LRRK2: variants seen among roughly 807,000 people sequenced by gnomAD.
LRRK2 encodes leucine rich repeat kinase 2, also known as leucine-rich repeat serine/threonine-protein kinase 2.
A neutral mutation model predicts 302.6 loss-of-function variants in LRRK2; 203 were observed. That is an observed-to-expected ratio of 0.67 (90% CI 0.60 to 0.75). LRRK2 has a LOEUF of 0.75. LRRK2 is among the 30% of genes least tolerant of loss of function. The pLI is 0.00. For missense variants in LRRK2, 2,830 were observed against 2,951.0 expected, an observed-to-expected ratio of 0.96 and a Z score of 0.95; for synonymous variants, 1,066 against 1,031.9, an observed-to-expected ratio of 1.03 and a Z score of -0.63.
chr12:40,357,354 T>C (rs1301507928), intron 46 of LRRK2, among the ~76,000 whole-genome samples: 1 of 78,722 alleles, frequency 1.3e-5, no homozygotes, highest in East Asian at 2.9e-4. Context: ...GGTGCTTAGG[T>C]TGATTCCACT....
At chr12:40,330,669 A>G (rs573568155) in intron 39 of LRRK2, among the ~76,000 whole-genome samples, 13 of 152,152 alleles carry the variant, frequency 8.5e-5, no homozygotes, top group African/African-American at 1.2e-4. Context: ...TGATATATAT[A>G]TAGTAGTAAG....
intron 44 of LRRK2, among the ~76,000 whole-genome samples, chr12:40,353,548 C>T (rs1220812864): frequency 2.6e-5 from 4 of 151,288 alleles, no homozygotes; most frequent in African/African-American, 4.9e-5. Context: ...GATGGGCGGC[C>T]AGGCAGAGAC....
chr12:40,368,284 G>A lies in LRRK2; in HGVS notation c.*519G>A, dbSNP rs199791467. 10 of 151,928 alleles carry A rather than the reference G, an allele frequency of 6.6e-5. No homozygotes were observed. Among genetic ancestry groups the A allele is most frequent in the Admixed American group, 5.3e-4 (8 of 15,192 alleles). The allele number at this position is 151,928 out of a possible 1,614,324, so 9.4% of individuals were successfully genotyped here. On this transcript the variant is annotated 3_prime_UTR_variant, in exon 51 of 51. Coordinates refer to ENST00000298910, the MANE Select transcript of LRRK2 (RefSeq NM_198578.4). ...ATTCAAATGAATTTGCACTAATAAA[G>A]TCCTTTGTTGGTATGTGAATTCTCT...
chr12:40,263,401 G>GA (rs11430638), intron 13 of LRRK2, among the ~76,000 whole-genome samples: 134,650 of 152,004 alleles, frequency 0.89, 59,725 homozygotes, highest in African/African-American at 0.93. Context: ...TTTCATTTCT[G>GA]CCTTTTTATG....
At chr12:40,245,251 CCT>C (rs1211682956) in intron 7 of LRRK2, among the ~76,000 whole-genome samples, 1 of 151,864 alleles carries the variant, frequency 6.6e-6, no homozygotes, top group Admixed American at 6.6e-5. Context: ...CCCAATTCCC[CCT>C]CTTTTTTTCA....
chr12:40,350,923 C>A (rs1332447336), intron 43 of LRRK2, among the ~76,000 whole-genome samples: 1 of 151,912 alleles, frequency 6.6e-6, no homozygotes, highest in Non-Finnish European at 1.5e-5. Flanking sequence ...ATAACATATA[C>A]TAGGCAAGAC....
At chr12:40,242,853 C>T (rs965390992) in intron 6 of LRRK2, among the ~76,000 whole-genome samples, 3 of 96,372 alleles carry the variant, frequency 3.1e-5, no homozygotes, top group African/African-American at 1.2e-4. Context: ...TCTAATAGGA[C>T]TTCAGAAATT....
Position 40,328,384 on chromosome 12 carries a change from A to G in LRRK2, c.5681A>G (p.Tyr1894Cys), listed in dbSNP as rs745904571. The G allele has an allele frequency of 6.2e-7, 1 of 1,613,848 alleles. No individual in the cohort carries two copies. The highest frequency in any genetic ancestry group is 1.7e-5 in the Admixed American group (1 of 60,024). Residue 1894 changes from tyrosine (Y) to cysteine (C), a missense_variant, in exon 39 of 51, where the codon TAC becomes TGC. Around this residue, in one of 3 missense-constraint regions of LRRK2, gnomAD observed 253 missense variants for 346.7 expected, o/e 0.73. Transcript: ENST00000298910. ...GGTGATGGCAGTTTTGGATCAGTTT[A>G]CCGAGCAGCCTATGAAGGAGAAGAA... ...LLGDGSFGSV[Y>C]RAAYEGEEVA...
chr12:40,261,933 T>C (rs1389970047), intron 13 of LRRK2, among the ~76,000 whole-genome samples: 1 of 152,192 alleles, frequency 6.6e-6, no homozygotes, highest in Non-Finnish European at 1.5e-5. Context: ...ACTTGTTATA[T>C]AGACATTGAG....
chr12:40,261,184 A>G (rs1242932136), intron 13 of LRRK2, among the ~76,000 whole-genome samples: 1 of 152,126 alleles, frequency 6.6e-6, no homozygotes, highest in Non-Finnish European at 1.5e-5. Context: ...GTTTTATTGA[A>G]TTTTATTTTT....
rs79623608 is a variant in LRRK2 at position 40,242,190 on chromosome 12, T to C, written c.707-1360T>C. 1.3e-3 allele frequency among the ~76,000 whole-genome samples: 200 copies of C among 152,300 alleles called. 1 individual carries two copies. The highest frequency in any genetic ancestry group is 4.5e-3 in the African/African-American group (188 of 41,578). ...ACATTTGCTTTTCAGTCTTTAAGTC[T>C]ATTGTTCTGAGTCAAAGCAGTTCAT... On this transcript the variant is annotated intron_variant, in intron 6 of 50. Coordinates refer to ENST00000298910, the MANE Select transcript of LRRK2 (RefSeq NM_198578.4).
Position 40,363,526 on chromosome 12 carries a change from G to A in LRRK2, c.7153G>A (p.Gly2385Arg), listed in dbSNP as rs34778348. The A allele has an allele frequency of 7.9e-4, 1,269 of 1,611,766 alleles. 27 individuals are homozygous for A. The East Asian group carries it at 0.026, about 33-fold the overall frequency. Residue 2385 changes from glycine (G) to arginine (R), a missense_variant, in exon 48 of 51, where the codon GGA becomes AGA. Gly to Arg is a moderately radical substitution (Grantham distance 125). Around this residue, in one of 3 missense-constraint regions of LRRK2, gnomAD observed 456 missense variants for 456.3 expected, o/e 1.00. Transcript: ENST00000298910. ...GGATAAGAAAACTGAAAAACTCTGT[G>A]GACTAATAGACTGCGTGCACTTTTT... ...VWDKKTEKLCGLIDCVHFLRE... is the reference protein window; with the variant it reads ...VWDKKTEKLCRLIDCVHFLRE...
intron 13 of LRRK2, 105 bp from the exon 14 acceptor site, chr12:40,263,684 C>A: frequency 1.3e-6 from 1 of 791,864 alleles, no homozygotes; most frequent in Non-Finnish European, 2.1e-6. Flanking sequence ...AAGTACAACA[C>A]ATATATTGTG....
In LRRK2 at chr12:40,287,252, C is replaced by A; in HGVS notation, c.2501-99C>A. 5.9e-6 allele frequency: 6 copies of A among 1,022,902 alleles called. No individual in the cohort carries two copies. The East Asian group carries it at 7.7e-5, about 13-fold the overall frequency. The allele number at this position is 1,022,902 out of a possible 1,614,324, so 63.4% of individuals were successfully genotyped here. A position where few individuals can be genotyped will look rare whatever the true frequency, so the allele number is the denominator to read the frequency against. ...CTTTGAAAGGAAAAATAGAAATATT[C>A]TCCAGAAGCATAGCAATACGTAAGA... On this transcript the variant is annotated intron_variant, in intron 19 of 50. Coordinates refer to ENST00000298910, the MANE Select transcript of LRRK2 (RefSeq NM_198578.4).
chr12:40,229,800 T>C (rs544068776), intron 2 of LRRK2, among the ~76,000 whole-genome samples: 1 of 152,226 alleles, frequency 6.6e-6, no homozygotes, highest in East Asian at 1.9e-4. Context: ...AGATTCTATT[T>C]AATCACAGAA....
intron 11 of LRRK2, among the ~76,000 whole-genome samples, chr12:40,254,274 A>T (rs1317839551): frequency 6.6e-6 from 1 of 152,200 alleles, no homozygotes; most frequent in Non-Finnish European, 1.5e-5. Context: ...GAAAAAAAAT[A>T]AAGCAACCAC....
At chr12:40,366,749 T>C (rs1946891693) in intron 49 of LRRK2, 3 of 406,540 alleles carry the variant, frequency 7.4e-6, no homozygotes, top group Middle Eastern at 7.5e-4. Context: ...ATACTGAGCC[T>C]ATTTTATAGA....
chr12:40,296,888 C>A (rs753370189), intron 23 of LRRK2, among the ~76,000 whole-genome samples: 11 of 152,064 alleles, frequency 7.2e-5, no homozygotes, highest in Non-Finnish European at 1.6e-4. Context: ...TTCAAGCCAC[C>A]CAGGGCTCAA....
intron 19 of LRRK2, among the ~76,000 whole-genome samples, chr12:40,285,995 C>A (rs1943911849): frequency 6.6e-6 from 1 of 151,944 alleles, no homozygotes. Context: ...TTAAACTAGT[C>A]TTATGCCAAA....
Sources: allele counts gnomAD v4.1 joint callset (sites outside exome capture counted in the v4.1 genomes callset), GRCh38; gene constraint gnomAD v4.1.1; regional missense constraint gnomAD v4.1.1; transcripts MANE v1.5; gene names NCBI Gene and HGNC (gene_info 2026-07-23, HGNC 2026-07-21).